Variants in BUD13 observed in about 807,000 individuals in gnomAD.
The protein encoded by BUD13 is BUD13 homolog.
In BUD13, 47 loss-of-function variants were observed where a neutral mutation model predicts 62.5. The ratio of observed to expected loss-of-function variants is 0.75; its 90% CI spans 0.60 to 0.96. BUD13 has a LOEUF of 0.96. BUD13 is among the 40% of genes least tolerant of loss of function. The probability of loss-of-function intolerance (pLI) is 0.00; values close to 1 mark genes in which losing one functional copy is unlikely to be tolerated. For missense variants in BUD13, 821 were observed against 790.9 expected, an observed-to-expected ratio of 1.04 and a Z score of -0.46; for synonymous variants, 293 against 280.1, an observed-to-expected ratio of 1.05 and a Z score of -0.46.
intron 6 of BUD13, 59 bp from the exon 7 acceptor site, chr11:116,758,466 G>C (rs942187771): frequency 3.6e-5 from 57 of 1,576,508 alleles, no homozygotes; most frequent in South Asian, 2.1e-4. Context: ...CATTCTAAGA[G>C]ATCAAATCAA....
At chr11:116,763,524 G>A (rs1218708609) in intron 3 of BUD13, among the ~76,000 whole-genome samples, 1 of 152,144 alleles carries the variant, frequency 6.6e-6, no homozygotes, top group Admixed American at 6.5e-5. Context: ...TTTAAGGTAA[G>A]CAGGGCAGGT....
intron 9 of BUD13, among the ~76,000 whole-genome samples, chr11:116,754,435 A>C (rs192006300): frequency 6.6e-6 from 1 of 152,370 alleles, no homozygotes; most frequent in Non-Finnish European, 1.5e-5. Flanking sequence ...GATATCTAGA[A>C]AAGTCCAAAT....
chr11:116,772,947 C>T lies in BUD13; in HGVS notation c.18G>A (p.Pro6=), dbSNP rs752344435. 2.6e-6 allele frequency: 4 copies of T among 1,568,078 alleles called. No homozygotes were observed. In the South Asian group the frequency reaches 3.4e-5, roughly 14 times the overall value. The change falls in exon 1 of 10, where the codon CCG becomes CCA. Residue 6 remains proline, a synonymous_variant. Coordinates refer to ENST00000260210, the MANE Select transcript of BUD13 (RefSeq NM_032725.4). The part of the protein sequence containing the change: MAAAP[P]LSKAEYLKRY... ...GCTTCAGATACTCGGCCTTGGAAAG[C>T]GGCGGAGCTGCCGCCATGGCAGCGG... is the stretch of plus-strand genomic sequence containing the variant.
intron 1 of BUD13, among the ~76,000 whole-genome samples, chr11:116,771,805 G>A (rs1332613722): frequency 6.6e-6 from 1 of 152,232 alleles, no homozygotes; most frequent in Non-Finnish European, 1.5e-5. Flanking sequence ...GGGTATCTCA[G>A]TGCCTTAGGG....
At chr11:116,760,298 CA>C (rs1940406663) in intron 5 of BUD13, among the ~76,000 whole-genome samples, 1 of 152,154 alleles carries the variant, frequency 6.6e-6, no homozygotes, top group African/African-American at 2.4e-5. Context: ...CCACAATTTA[CA>C]GATAAAGAAA....
chr11:116,753,540 C>G (rs1940276879), intron 9 of BUD13, among the ~76,000 whole-genome samples: 1 of 152,174 alleles, frequency 6.6e-6, no homozygotes, highest in East Asian at 1.9e-4. Flanking sequence ...AACTCAAAGT[C>G]TCTACAGTGT....
At chr11:116,762,403 C>T (rs1027282727) in intron 4 of BUD13, 150 bp downstream of exon 4, 1 of 629,962 alleles carries the variant, frequency 1.6e-6, no homozygotes, top group Non-Finnish European at 2.7e-6. Flanking sequence ...TCCCTGCCAC[C>T]ATAATTGTTC....
At chr11:116,765,104 G>A (rs1940508148) in intron 3 of BUD13, among the ~76,000 whole-genome samples, 1 of 152,140 alleles carries the variant, frequency 6.6e-6, no homozygotes, top group Non-Finnish European at 1.5e-5. Context: ...AAGAGGAATG[G>A]GTGCTCAAAG....
chr11:116,758,505 A>G (rs1051177845), intron 6 of BUD13, 98 bp from the exon 7 acceptor site: 69 of 1,383,932 alleles, frequency 5.0e-5, no homozygotes, highest in Non-Finnish European at 6.6e-5. Context: ...CTAGATAAGA[A>G]CTTCTGCAGC....
chr11:116,754,206 C>G (rs139524394), intron 9 of BUD13, among the ~76,000 whole-genome samples: 1 of 152,092 alleles, frequency 6.6e-6, no homozygotes. Flanking sequence ...CCACCATGCC[C>G]GACTAATTTT....
chr11:116,758,408 C>A lies in BUD13; in HGVS notation c.1361-1G>T. ...ACGGTTTCAGCATATTGAAATTCAG[C>A]TGCAAAGGAAAATTATACTCAAATA... is the stretch of plus-strand genomic sequence containing the variant. On this transcript the variant is annotated splice_acceptor_variant, in intron 6 of 9. Coordinates refer to ENST00000260210, the MANE Select transcript of BUD13 (RefSeq NM_032725.4). LOFTEE classifies it high-confidence loss of function. The A allele has an allele frequency of 6.2e-7, 1 of 1,613,764 alleles. No homozygotes were observed. Among genetic ancestry groups the A allele is most frequent in the Non-Finnish European group, 8.5e-7 (1 of 1,179,926 alleles).
chr11:116,760,703 A>G, intron 5 of BUD13, 32 bp downstream of exon 5: 2 of 1,606,522 alleles, frequency 1.2e-6, no homozygotes, highest in Non-Finnish European at 1.7e-6. Context: ...GAGTCACACG[A>G]AAAGAAGGAC....
intron 7 of BUD13, 89 bp from the exon 8 acceptor site, chr11:116,758,039 T>G (rs889738753): frequency 1.2e-5 from 19 of 1,523,796 alleles, no homozygotes; most frequent in Non-Finnish European, 1.5e-5. Flanking sequence ...GTTTGGACAA[T>G]CTCCTCTTTC....
intron 9 of BUD13, among the ~76,000 whole-genome samples, chr11:116,749,365 C>T (rs534253792): frequency 2.0e-5 from 3 of 152,202 alleles, no homozygotes; most frequent in South Asian, 2.1e-4. Flanking sequence ...GGTAGAAATA[C>T]GCATGGGGTG....
At position 116,763,069 on chromosome 11, in the gene BUD13, T is replaced by C; in HGVS notation, c.520A>G (p.Thr174Ala). Residue 174 changes from threonine to alanine, a missense_variant, in exon 4 of 10, where the codon ACA becomes GCA. Coordinates refer to ENST00000260210, the MANE Select transcript of BUD13 (RefSeq NM_032725.4). ...TGACGGATCCTCCTGGGAGGAGATG[T>C]GTCTGAGTCATGACGAGCCCCTCTG... is the stretch of plus-strand genomic sequence containing the variant. Reference protein sequence around the residue: ...PLRGARHDSDTSPPRRIRHDS... With the variant: ...PLRGARHDSDASPPRRIRHDS... 6.2e-7 allele frequency: 1 copy of C among 1,611,864 alleles called. No homozygotes were observed. Among genetic ancestry groups the C allele is most frequent in the South Asian group, 1.1e-5 (1 of 90,986 alleles).
In BUD13 at chr11:116,765,451, G is replaced by A; in HGVS notation, c.238-5C>T. On this transcript the variant is annotated splice_region_variant and splice_polypyrimidine_tract_variant and intron_variant, in intron 2 of 9. Transcript: ENST00000260210. ...CTCATCCACAAACTCTGCCACCTGT[G>A]AGAGTAAAGATTTCCTATCTTAGGA... 6.2e-7 allele frequency: 1 copy of A among 1,614,034 alleles called. No individual in the cohort carries two copies. Among genetic ancestry groups the A allele is most frequent in the Non-Finnish European group, 8.5e-7 (1 of 1,179,938 alleles).
chr11:116,767,894 A>G (rs1232331422), intron 2 of BUD13, among the ~76,000 whole-genome samples: 1 of 151,424 alleles, frequency 6.6e-6, no homozygotes, highest in Non-Finnish European at 1.5e-5. Flanking sequence ...GATTGCTTGC[A>G]CCTGGAAGGT....
intron 3 of BUD13, among the ~76,000 whole-genome samples, chr11:116,763,933 C>A (rs1464365298): frequency 6.6e-6 from 1 of 152,152 alleles, no homozygotes; most frequent in Non-Finnish European, 1.5e-5. Flanking sequence ...TAGAGATTAC[C>A]TGATTCAATT....
intron 4 of BUD13, 68 bp from the exon 5 acceptor site, chr11:116,761,020 T>TAGGAGATTTC: frequency 7.8e-7 from 1 of 1,287,638 alleles, no homozygotes; most frequent in Non-Finnish European, 1.1e-6. Context: ...TGAAATCTCC[T>TAGGAGATTTC]ATGGCTGGGA....
Sources: gnomAD v4.1 joint callset for allele counts (sites outside exome capture counted in the v4.1 genomes callset) on GRCh38, gnomAD v4.1.1 for gene constraint, MANE v1.5 for transcripts, NCBI Gene and HGNC (gene_info 2026-07-23, HGNC 2026-07-21) for gene names.